The following AKAP9 variants were observed in gnomAD, a reference collection of about 807,000 sequenced individuals.
AKAP9 encodes A-kinase anchoring protein 9, also known as A-kinase anchor protein 9.
AKAP9 carries 311 observed loss-of-function variants against 488.5 expected under a neutral mutation model. The ratio of observed to expected loss-of-function variants is 0.64; its 90% CI spans 0.58 to 0.70. The LOEUF (loss-of-function observed/expected upper bound fraction) is 0.70, where lower values mean the gene tolerates loss of function less well. Ranked by LOEUF, AKAP9 falls within the 30% of genes least tolerant of loss-of-function variation. AKAP9 has a pLI of 0.00. For missense variants in AKAP9, 4,215 were observed against 4,374.5 expected, an observed-to-expected ratio of 0.96 and a Z score of 1.03; for synonymous variants, 1,462 against 1,483.5, an observed-to-expected ratio of 0.99 and a Z score of 0.33.
intron 46 of AKAP9, among the ~76,000 whole-genome samples, chr7:92,104,174 C>CTTTATTTA (rs1244625601): frequency 7.1e-5 from 10 of 141,606 alleles, no homozygotes; most frequent in Admixed American, 6.9e-5. Context: ...TCTGATGCTG[C>CTTTATTTA]TTTATTTATT....
intron 8 of AKAP9, 129 bp from the exon 9 acceptor site, chr7:92,012,300 G>GA (rs1023843810): frequency 3.8e-5 from 31 of 808,838 alleles, no homozygotes; most frequent in Non-Finnish European, 4.9e-5. Flanking sequence ...CACGAAGATA[G>GA]AAAAAAAATT....
rs1186917564 is a variant in AKAP9, at chr7:91,975,921, G to GT, written c.306+1956dup. 2.4e-4 allele frequency among the ~76,000 whole-genome samples: 27 copies of GT among 111,710 alleles called. 2 individuals carry two copies. Among genetic ancestry groups the GT allele is most frequent in the African/African-American group, 6.9e-4 (20 of 28,898 alleles). The allele number at this position is 111,710 out of a possible 152,430, so 73.3% of individuals were successfully genotyped here. On this transcript the variant is annotated intron_variant, in intron 2 of 49. Coordinates refer to ENST00000356239, the MANE Select transcript of AKAP9 (RefSeq NM_005751.5). ...TTATTGGTTTGTTTTTTGTTTGTTT[G>GT]TTTGTTTTTTTTTTTTTTGAGACAA...
chr7:92,075,051 C>A (rs1339834671), intron 28 of AKAP9, among the ~76,000 whole-genome samples: 5 of 151,466 alleles, frequency 3.3e-5, no homozygotes, highest in African/African-American at 9.7e-5. Context: ...AGTTCATTTC[C>A]TATCTGATTA....
At position 92,082,544 on chromosome 7, in the gene AKAP9, G is replaced by A. The variant is rs1246468660; in HGVS notation, c.8042G>A (p.Ser2681Asn). ...VLKTTTELFH[S>N]NEESGFFNEL... The stretch of plus-strand genomic sequence containing the variant: ...CAGACAACTACTGAGCTATTTCATA[G>A]CAATGAAGAAAGTGGATTTTTTAAT... The change falls in exon 32 of 50, where the codon AGC becomes AAC. Residue 2681 changes from serine to asparagine, a missense_variant. Ser to Asn is a conservative substitution (Grantham distance 46). This residue lies in a region of AKAP9 where 1,476 missense variants were observed against 1,477.4 expected (regional missense o/e 1.00). Transcript: ENST00000356239. 6.2e-7 allele frequency: 1 copy of A among 1,613,674 alleles called. No individual in the cohort carries two copies. The highest frequency in any genetic ancestry group is 1.3e-5 in the African/African-American group (1 of 74,880).
intron 22 of AKAP9, among the ~76,000 whole-genome samples, chr7:92,056,151 T>C (rs1472912521): frequency 1.3e-5 from 2 of 152,066 alleles, no homozygotes; most frequent in African/African-American, 4.8e-5. Flanking sequence ...TCTTTATCTG[T>C]TACTTTTTTG....
At chr7:92,109,188 C>A in intron 49 of AKAP9, 1 of 200,092 alleles carries the variant, frequency 5.0e-6, no homozygotes, top group Non-Finnish European at 1.0e-5. Flanking sequence ...AAAACTATCC[C>A]ATTTAAAATA....
In AKAP9 at chr7:92,110,536, C is replaced by T; in HGVS notation, c.*377C>T. On this transcript the variant is annotated 3_prime_UTR_variant, in exon 50 of 50. Coordinates refer to ENST00000356239, the MANE Select transcript of AKAP9 (RefSeq NM_005751.5). ...AAGGCTACTGAAGTTACATGTTTTGCCTAATATATTCTACTGGTGATGAAG... is the reference window on the plus strand; with the variant it reads ...AAGGCTACTGAAGTTACATGTTTTGTCTAATATATTCTACTGGTGATGAAG... 1 of 270,240 alleles carries T rather than the reference C, an allele frequency of 3.7e-6. No individual in the cohort carries two copies. Among genetic ancestry groups the T allele is most frequent in the South Asian group, 8.3e-5 (1 of 12,112 alleles). 16.7% of individuals were successfully genotyped at this position (270,240 alleles called of 1,614,324 possible). A position where few individuals can be genotyped will look rare whatever the true frequency, so the allele number is the denominator to read the frequency against.
intron 21 of AKAP9, among the ~76,000 whole-genome samples, chr7:92,050,160 A>G (rs1333686412): frequency 1.3e-5 from 2 of 149,694 alleles, no homozygotes; most frequent in African/African-American, 2.5e-5. Flanking sequence ...CACCTCCTGG[A>G]TTCCAGTGAT....
In AKAP9 at chr7:92,016,231, G is replaced by T. The variant is rs758832151; in HGVS notation, c.3715G>T (p.Asp1239Tyr). The T allele has an allele frequency of 1.4e-5, 22 of 1,567,534 alleles. No homozygotes were observed. Among genetic ancestry groups the T allele is most frequent in the Middle Eastern group, 3.7e-4 (2 of 5,400 alleles). ...NSGDYISENE[D>Y]PELQDYRYEV... ...TGGTGATTACATTTCTGAAAATGAA[G>T]ATCCAGAATTACAAGATTATAGATA... Residue 1239 changes from aspartate (D) to tyrosine (Y), a missense_variant, in exon 11 of 50, where the codon GAT becomes TAT. Physicochemically the swap from Asp to Tyr is radical, Grantham distance 160. Around this residue, in one of 5 missense-constraint regions of AKAP9, gnomAD observed 2,361 missense variants for 2,430.0 expected, o/e 0.97. Transcript: ENST00000356239.
chr7:91,963,578 CAT>C, intron 1 of AKAP9, among the ~76,000 whole-genome samples: 2 of 151,852 alleles, frequency 1.3e-5, no homozygotes, highest in East Asian at 1.9e-4. Flanking sequence ...AGTGCAGTGG[CAT>C]GATCTCGGCT....
In AKAP9 at chr7:92,095,022, G is replaced by A; in HGVS notation, c.9579-1G>A. The stretch of plus-strand genomic sequence containing the variant: ...GAAATTCATTTGTCTTTCTGACTTA[G>A]GTTGGAAGTTAAAGATAAGACAGAT... On this transcript the variant is annotated splice_acceptor_variant, in intron 39 of 49. Transcript: ENST00000356239. LOFTEE classifies it high-confidence loss of function. The A allele has an allele frequency of 6.2e-7, 1 of 1,613,734 alleles. No homozygotes were observed. Among genetic ancestry groups the A allele is most frequent in the Non-Finnish European group, 8.5e-7 (1 of 1,179,732 alleles).
chr7:92,013,006 T>G (rs990998681), intron 9 of AKAP9, among the ~76,000 whole-genome samples: 1 of 134,488 alleles, frequency 7.4e-6, no homozygotes, highest in Non-Finnish European at 1.6e-5. Flanking sequence ...TTTTTTTTTT[T>G]TTTGAGACGG....
intron 21 of AKAP9, among the ~76,000 whole-genome samples, chr7:92,052,332 T>C (rs569547580): frequency 3.3e-5 from 5 of 152,326 alleles, no homozygotes; most frequent in Admixed American, 6.5e-5. Context: ...TGTGATTGTT[T>C]ATGTGTTTCC....
chr7:91,974,462 C>A (rs1031992746), intron 2 of AKAP9, among the ~76,000 whole-genome samples: 4 of 152,164 alleles, frequency 2.6e-5, no homozygotes, highest in African/African-American at 9.7e-5. Flanking sequence ...TTCTGTAGAT[C>A]TGTATGTTTA....
intron 27 of AKAP9, among the ~76,000 whole-genome samples, 198 bp downstream of exon 27, chr7:92,070,404 GTTTTGTT>G (rs1563085614): frequency 7.2e-5 from 2 of 27,832 alleles, no homozygotes; most frequent in Non-Finnish European, 1.2e-4. Context: ...TGTTGTTGTT[GTTTTGTT>G]TTGTTTTGTT....
intron 11 of AKAP9, among the ~76,000 whole-genome samples, chr7:92,016,528 C>G (rs1049381771): frequency 3.9e-5 from 6 of 151,994 alleles, no homozygotes; most frequent in Admixed American, 3.9e-4. Flanking sequence ...TTTTCCTTAT[C>G]CTAATTCTTT....
intron 21 of AKAP9, among the ~76,000 whole-genome samples, chr7:92,050,446 C>T (rs756787304): frequency 2.0e-5 from 3 of 152,072 alleles, no homozygotes; most frequent in Non-Finnish European, 4.4e-5. Flanking sequence ...AGCTTTGGTA[C>T]TGCAGGAATA....
chr7:92,093,463 A>G, intron 39 of AKAP9, 147 bp downstream of exon 39: 1 of 725,258 alleles, frequency 1.4e-6, no homozygotes, highest in East Asian at 2.7e-5. Flanking sequence ...AATAGAAAAA[A>G]CTCTAAATGT....
At chr7:91,996,734 C>G (rs892989792) in intron 7 of AKAP9, among the ~76,000 whole-genome samples, 5 of 152,272 alleles carry the variant, frequency 3.3e-5, no homozygotes, top group Admixed American at 2.0e-4. Context: ...ATGGATTGTA[C>G]ATGCAATATA....
Sources: allele counts gnomAD v4.1 joint callset (sites outside exome capture counted in the v4.1 genomes callset), GRCh38; gene constraint gnomAD v4.1.1; regional missense constraint gnomAD v4.1.1; transcripts MANE v1.5; gene names NCBI Gene and HGNC (gene_info 2026-07-23, HGNC 2026-07-21).